The following AMBRA1 variants were observed in gnomAD, a reference collection of about 807,000 sequenced individuals.
AMBRA1 encodes the protein activating molecule in BECN1-regulated autophagy protein 1.
Under a neutral mutation model 125.4 loss-of-function variants are expected in AMBRA1, and 47 were observed. The ratio of observed to expected loss-of-function variants is 0.37; its 90% confidence interval spans 0.30 to 0.48. AMBRA1 has a LOEUF of 0.48. Among genes scored for constraint, AMBRA1 ranks in the 20% least tolerant of loss-of-function variants. The pLI is 0.99. For missense variants in AMBRA1, 1,331 were observed against 1,693.4 expected (o/e 0.79, Z 3.76); for synonymous variants, 626 against 655.5 (o/e 0.95, Z 0.69).
intron 1 of AMBRA1, among the ~76,000 whole-genome samples, chr11:46,557,376 T>G (rs1282872089): frequency 6.6e-6 from 1 of 151,934 alleles, no homozygotes; most frequent in Non-Finnish European, 1.5e-5. Context: ...ATAAAAAGTT[T>G]AGGCCACAAA....
intron 7 of AMBRA1, among the ~76,000 whole-genome samples, chr11:46,520,987 G>A (rs1218603554): frequency 6.6e-6 from 1 of 152,104 alleles, no homozygotes; most frequent in Non-Finnish European, 1.5e-5. Context: ...ATGAAAACAG[G>A]TACTGGATCC....
intron 12 of AMBRA1, among the ~76,000 whole-genome samples, chr11:46,436,660 CA>C (rs1267852083): frequency 6.6e-6 from 1 of 150,878 alleles, no homozygotes; most frequent in African/African-American, 2.5e-5. Flanking sequence ...AAAACAAAAA[CA>C]AAAACAAAAC....
Position 46,548,302 on chromosome 11 carries a change from GC to G in AMBRA1, c.78del (p.Gln26HisfsTer8). ...TCTTCTACCAGCTCCTGCAGAAGCCGCTGAGCTCCCATGGCCCGAGCACCCC... is the reference window on the plus strand; with the variant it reads ...TCTTCTACCAGCTCCTGCAGAAGCCGTGAGCTCCCATGGCCCGAGCACCCC... Reference protein sequence around the residue: ...RERGARAMGAQRLLQELVEDK... With the variant: ...RERGARAMGAXRLLQELVEDK... On this transcript the variant is annotated frameshift_variant, in exon 2 of 18. Transcript: ENST00000683756. LOFTEE classifies it high-confidence loss of function. 6.2e-7 allele frequency: 1 copy of G among 1,614,038 alleles called. No homozygotes were observed. Among genetic ancestry groups the G allele is most frequent in the Non-Finnish European group, 8.5e-7 (1 of 1,180,012 alleles).
At chr11:46,512,102 C>T (rs1184242070) in intron 8 of AMBRA1, among the ~76,000 whole-genome samples, 2 of 152,158 alleles carry the variant, frequency 1.3e-5, no homozygotes, top group Non-Finnish European at 2.9e-5. Flanking sequence ...GTGATTTGCC[C>T]GCCTCAGCCT....
intron 9 of AMBRA1, among the ~76,000 whole-genome samples, chr11:46,497,867 G>A (rs929135397): frequency 2.0e-5 from 3 of 152,212 alleles, no homozygotes; most frequent in African/African-American, 7.2e-5. Context: ...AAGAGGGGAA[G>A]ATTCAGAGAT....
chr11:46,499,479 T>G (rs1418056809), intron 9 of AMBRA1, among the ~76,000 whole-genome samples: 1 of 152,144 alleles, frequency 6.6e-6, no homozygotes, highest in Non-Finnish European at 1.5e-5. Flanking sequence ...ATATTACACG[T>G]TTTTAAGCAA....
intron 14 of AMBRA1, among the ~76,000 whole-genome samples, chr11:46,431,544 G>A (rs1947456586): frequency 6.6e-6 from 1 of 152,224 alleles, no homozygotes; most frequent in African/African-American, 2.4e-5. Context: ...TGCTAAGATG[G>A]AGAACTGGCA....
At chr11:46,480,988 G>A (rs1950042951) in intron 11 of AMBRA1, among the ~76,000 whole-genome samples, 2 of 152,132 alleles carry the variant, frequency 1.3e-5, no homozygotes, top group South Asian at 4.1e-4. Flanking sequence ...GATACTTAAA[G>A]GTCTGGAAAA....
rs1952802236 is a variant in AMBRA1, at chr11:46,542,611, C to T, written c.1406G>A (p.Gly469Glu). The T allele has an allele frequency of 1.2e-6, 2 of 1,614,080 alleles. No individual in the cohort carries two copies. Among genetic ancestry groups the T allele is most frequent in the Non-Finnish European group, 1.7e-6 (2 of 1,180,028 alleles). ...QASVYTSATE[G>E]RGFPASGLAT... ...CAACCCTGATGCCGGAAAACCCCTCCCTTCTGTGGCTGAAGTGTACACAGA... is the reference window on the plus strand; with the variant it reads ...CAACCCTGATGCCGGAAAACCCCTCTCTTCTGTGGCTGAAGTGTACACAGA... The change falls in exon 7 of 18, where the codon GGG becomes GAG. Residue 469 changes from glycine (G) to glutamate (E), a missense_variant. By Grantham distance (98) the Gly-to-Glu change is moderately conservative. Coordinates refer to ENST00000683756, the MANE Select transcript of AMBRA1 (RefSeq NM_001387011.1). This position sits in a 1 kb window ranked among gnomAD's most constrained non-coding sequence, Gnocchi z 5.9.
In AMBRA1 at chr11:46,543,402, C is replaced by T. The variant is rs1340586395; in HGVS notation, c.619-4G>A. The T allele has an allele frequency of 1.2e-6, 2 of 1,613,460 alleles. No homozygotes were observed. The highest frequency in any genetic ancestry group is 2.2e-5 in the South Asian group (2 of 91,052). Reference sequence around the variant, plus strand: ...GGATCTCTGGTTCGTCATCACCCTGCAACGTGGACCAGCATGGGGCAGGGG... The same window carrying T: ...GGATCTCTGGTTCGTCATCACCCTGTAACGTGGACCAGCATGGGGCAGGGG... On this transcript the variant is annotated splice_region_variant and splice_polypyrimidine_tract_variant and intron_variant, in intron 6 of 17. Transcript: ENST00000683756.
intron 11 of AMBRA1, 98 bp downstream of exon 11, chr11:46,493,510 C>A (rs1471606995): frequency 3.1e-6 from 3 of 965,876 alleles, no homozygotes; most frequent in Admixed American, 6.1e-5. Flanking sequence ...CAGACAGATG[C>A]CAAGACACCA....
chr11:46,495,165 A>C (rs776334199), intron 9 of AMBRA1: 10 of 152,258 alleles, frequency 6.6e-5, no homozygotes, highest in Non-Finnish European at 1.0e-4. Flanking sequence ...AAAGAATAAT[A>C]AGCCAAAGGG....
chr11:46,479,570 G>A (rs550964842), intron 11 of AMBRA1, among the ~76,000 whole-genome samples: 11 of 151,894 alleles, frequency 7.2e-5, no homozygotes, highest in Non-Finnish European at 1.6e-4. Context: ...AGTGGCAGGC[G>A]CCTGTAATCC....
intron 1 of AMBRA1, among the ~76,000 whole-genome samples, chr11:46,549,827 G>T (rs937535792): frequency 2.6e-5 from 4 of 151,228 alleles, no homozygotes; most frequent in Non-Finnish European, 4.4e-5. Flanking sequence ...TTCTTTTTTG[G>T]GGGGGGTGGG....
chr11:46,429,039 T>C (rs1229333789), intron 14 of AMBRA1: 11 of 1,611,514 alleles, frequency 6.8e-6, no homozygotes, highest in Non-Finnish European at 9.3e-6. Context: ...GGCACATTCT[T>C]GTCTGCCAGC....
chr11:46,524,402 A>G (rs1272377102), intron 7 of AMBRA1, among the ~76,000 whole-genome samples: 1 of 152,252 alleles, frequency 6.6e-6, no homozygotes, highest in African/African-American at 2.4e-5. Flanking sequence ...GGAATTATCC[A>G]GCCCCAAATG....
rs755884183 is a variant in AMBRA1 at position 46,542,030 on chromosome 11, G to C, written c.1987C>G (p.Gln663Glu). ...GACACAGTTCCAGATCTGCTGGACT[G>C]GGTGTAAATTCTTTCCCAGTGGCCT... ...ETGHWERIYT[Q>E]SSRSGTVSQE... Residue 663 changes from glutamine (Q) to glutamate (E), a missense_variant, in exon 7 of 18, where the codon CAG becomes GAG. Transcript: ENST00000683756. The surrounding 1 kb of genome is among the most constrained non-coding windows in gnomAD (Gnocchi z 5.9). 4.1e-5 allele frequency: 66 copies of C among 1,613,948 alleles called. No homozygotes were observed. The highest frequency in any genetic ancestry group is 5.2e-5 in the Non-Finnish European group (61 of 1,179,992).
In AMBRA1 at chr11:46,452,889, ATG is replaced by A. The variant is rs146096859; in HGVS notation, c.2522-9293_2522-9292del. ...CATTGAGAAAAATGCCCAAATATATATGTGTGTCTGTCTGTTTAAAATTATAG... is the reference window on the plus strand; with the variant it reads ...CATTGAGAAAAATGCCCAAATATATATGTGTCTGTCTGTTTAAAATTATAG... On this transcript the variant is annotated intron_variant, in intron 11 of 17. Transcript: ENST00000683756. 6.9e-3 allele frequency among the ~76,000 whole-genome samples: 1,051 copies of A among 152,306 alleles called. 17 individuals are homozygous for A. Among genetic ancestry groups the A allele is most frequent in the African/African-American group, 0.024 (1,013 of 41,560 alleles).
intron 12 of AMBRA1, among the ~76,000 whole-genome samples, chr11:46,441,471 T>C (rs1450223703): frequency 5.3e-5 from 8 of 151,474 alleles, no homozygotes; most frequent in South Asian, 2.1e-4. Flanking sequence ...ACCGAGATCA[T>C]GCGACTGCAC....
Sources: allele counts gnomAD v4.1 joint callset (sites outside exome capture counted in the v4.1 genomes callset), GRCh38; gene constraint gnomAD v4.1.1; non-coding constraint Gnocchi (gnomAD v3.1); transcripts MANE v1.5; gene names NCBI Gene and HGNC (gene_info 2026-07-23, HGNC 2026-07-21).